Variants in EIF3H observed in about 807,000 individuals in gnomAD.
EIF3H encodes the protein eIF-3-gamma.
EIF3H carries 26 observed loss-of-function variants against 44.2 expected under a neutral mutation model. The observed-to-expected ratio is 0.59, with a 90% CI of 0.43 to 0.82. EIF3H has a LOEUF of 0.82. EIF3H is among the 40% of genes least tolerant of loss of function. The pLI is 0.00. For missense variants in EIF3H, 359 were observed against 432.8 expected, an observed-to-expected ratio of 0.83 and a Z score of 1.51; for synonymous variants, 166 against 151.9, an observed-to-expected ratio of 1.09 and a Z score of -0.68.
chr8:116,726,747 A>G (rs552984318), intron 1 of EIF3H, among the ~76,000 whole-genome samples: 11 of 152,316 alleles, frequency 7.2e-5, no homozygotes, highest in African/African-American at 2.4e-4. Context: ...TTCCTCAACC[A>G]GAAGGATTCA....
chr8:116,676,341 ACT>A (rs1813845988), intron 2 of EIF3H, among the ~76,000 whole-genome samples: 1 of 152,194 alleles, frequency 6.6e-6, no homozygotes, highest in African/African-American at 2.4e-5. Context: ...CTTTTAATTG[ACT>A]CACAGTTCAG....
intron 2 of EIF3H, among the ~76,000 whole-genome samples, chr8:116,690,018 T>C (rs1814146953): frequency 6.6e-6 from 1 of 152,236 alleles, no homozygotes; most frequent in Non-Finnish European, 1.5e-5. Flanking sequence ...ATCAGTTTAA[T>C]ACCTGCTTAA....
intron 1 of EIF3H, among the ~76,000 whole-genome samples, chr8:116,752,751 AAGAGGGAG>A (rs1815374568): frequency 1.2e-5 from 1 of 82,066 alleles, no homozygotes; most frequent in Non-Finnish European, 2.5e-5. Flanking sequence ...GAAAGAAAGA[AAGAGGGAG>A]GGAGGGAGGG....
intron 2 of EIF3H, among the ~76,000 whole-genome samples, chr8:116,709,440 T>C (rs763915662): frequency 6.6e-6 from 1 of 152,328 alleles, no homozygotes; most frequent in Non-Finnish European, 1.5e-5. Context: ...TGACTCATGG[T>C]TAACACAATT....
At chr8:116,661,971 G>A (rs911527049) in intron 2 of EIF3H, among the ~76,000 whole-genome samples, 6 of 152,128 alleles carry the variant, frequency 3.9e-5, no homozygotes, top group Non-Finnish European at 8.8e-5. Flanking sequence ...TCTTTATTAG[G>A]GGAAATGAGG....
chr8:116,672,609 C>T (rs1813775860), intron 2 of EIF3H, among the ~76,000 whole-genome samples: 1 of 151,274 alleles, frequency 6.6e-6, no homozygotes, highest in Non-Finnish European at 1.5e-5. Context: ...CAGCCTAGTC[C>T]ACAGAGTGAA....
intron 1 of EIF3H, among the ~76,000 whole-genome samples, chr8:116,733,609 A>T (rs965584455): frequency 4.8e-5 from 7 of 145,774 alleles, no homozygotes; most frequent in Non-Finnish European, 8.9e-5. Context: ...TTTAAAATTT[A>T]AAAAAAAAAC....
At chr8:116,679,241 C>T (rs1813918856) in intron 2 of EIF3H, among the ~76,000 whole-genome samples, 1 of 58,726 alleles carries the variant, frequency 1.7e-5, no homozygotes, top group Non-Finnish European at 4.6e-5. Flanking sequence ...GCCGCCCCTA[C>T]TGGGAAGTGA....
At chr8:116,684,501 A>G (rs940660286) in intron 2 of EIF3H, among the ~76,000 whole-genome samples, 28 of 152,122 alleles carry the variant, frequency 1.8e-4, no homozygotes, top group African/African-American at 6.5e-4. Flanking sequence ...TTCTATTCCT[A>G]TTATTCCAAA....
intron 1 of EIF3H, chr8:116,737,418 G>A (rs2130950823): frequency 2.7e-6 from 1 of 365,910 alleles, no homozygotes; most frequent in Non-Finnish European, 5.2e-6. Flanking sequence ...CACTCTGGGA[G>A]GCTGAGGCAG....
upstream of EIF3H, among the ~76,000 whole-genome samples, chr8:116,758,692 G>A (rs2131007095): frequency 1.3e-5 from 2 of 151,946 alleles, no homozygotes; most frequent in South Asian, 4.1e-4. Context: ...ATTTAAAGAA[G>A]GAATTAAAAC....
At chr8:116,698,909 A>G (rs534620868) in intron 2 of EIF3H, among the ~76,000 whole-genome samples, 1 of 152,274 alleles carries the variant, frequency 6.6e-6, no homozygotes, top group Admixed American at 6.5e-5. Context: ...GCACTTTGGG[A>G]GGCCAAGACA....
intron 2 of EIF3H, among the ~76,000 whole-genome samples, chr8:116,712,385 A>C (rs1814588181): frequency 6.6e-6 from 1 of 152,228 alleles, no homozygotes; most frequent in Non-Finnish European, 1.5e-5. Context: ...TCAAAAGACA[A>C]TGTCTGTAGG....
At chr8:116,646,077 G>C (rs1389814369) in intron 7 of EIF3H, among the ~76,000 whole-genome samples, 2 of 152,304 alleles carry the variant, frequency 1.3e-5, no homozygotes, top group Admixed American at 6.5e-5. Context: ...GTCCAAGTAA[G>C]GGAAATAATT....
At chr8:116,648,574 T>C (rs1302441134) in intron 6 of EIF3H, among the ~76,000 whole-genome samples, 1 of 152,256 alleles carries the variant, frequency 6.6e-6, no homozygotes, top group East Asian at 1.9e-4. Context: ...TTGCATAACC[T>C]TGGCATTACA....
intron 2 of EIF3H, among the ~76,000 whole-genome samples, chr8:116,703,747 A>T (rs1022326668): frequency 6.6e-6 from 1 of 152,070 alleles, no homozygotes; most frequent in African/African-American, 2.4e-5. Flanking sequence ...CACAATAAAT[A>T]ACAGCACACC....
chr8:116,659,343 G>T lies in EIF3H; in HGVS notation c.290-363C>A, dbSNP rs116115684. Among the ~76,000 whole-genome samples, 1,395 of 152,294 alleles carry T rather than the reference G, an allele frequency of 9.2e-3. 18 individuals carry two copies. Among genetic ancestry groups the T allele is most frequent in the African/African-American group, 0.031 (1,280 of 41,566 alleles). ...TGTGTAATTACTAAATTGGTTGGTT[G>T]TAAGAAGTTTCATTTGAATTAATAA... On this transcript the variant is annotated intron_variant, in intron 2 of 7. Coordinates refer to ENST00000521861, the MANE Select transcript of EIF3H (RefSeq NM_003756.3).
rs143334925 is a variant in EIF3H at position 116,698,654 on chromosome 8, T to C, written c.289+27362A>G. Among the ~76,000 whole-genome samples, 4 of 152,356 alleles carry C rather than the reference T, an allele frequency of 2.6e-5. No individual in the cohort carries two copies. The East Asian group carries it at 7.7e-4, about 29-fold the overall frequency. ...CTGAAGCTGAAAGACTAAATTTTAA[T>C]ATAACCTGCATCTCTCGGCATCCTT... On this transcript the variant is annotated intron_variant, in intron 2 of 7. Transcript: ENST00000521861.
intron 1 of EIF3H, among the ~76,000 whole-genome samples, chr8:116,763,949 G>A (rs1437948706): frequency 5.9e-5 from 9 of 151,938 alleles, no homozygotes; most frequent in African/African-American, 2.2e-4. Flanking sequence ...TTAGTCATAC[G>A]TTTCAAAAAT....
Sources: allele counts gnomAD v4.1 joint callset (sites outside exome capture counted in the v4.1 genomes callset), GRCh38; gene constraint gnomAD v4.1.1; transcripts MANE v1.5; gene names NCBI Gene and HGNC (gene_info 2026-07-23, HGNC 2026-07-21).